SMG7: variants seen among roughly 807,000 people sequenced by gnomAD.
SMG7 encodes the protein nonsense-mediated mRNA decay factor SMG7.
A neutral mutation model predicts 148.2 loss-of-function variants in SMG7; 34 were observed. The observed-to-expected ratio is 0.23, with a 90% CI of 0.17 to 0.31. The LOEUF (loss-of-function observed/expected upper bound fraction) is 0.31. SMG7 is among the 10% of genes least tolerant of loss of function. SMG7 has a pLI of 1.00. For synonymous variants in SMG7, 492 were observed against 515.1 expected (o/e 0.96, Z 0.61); for missense variants, 1,114 against 1,408.4 (o/e 0.79, Z 3.35).
In SMG7 at chr1:183,502,664, T is replaced by A. The variant is rs1436493619; in HGVS notation, c.30-10173T>A. Among the ~76,000 whole-genome samples, 3 of 152,210 alleles carry A rather than the reference T, an allele frequency of 2.0e-5. No individual in the cohort carries two copies. In the South Asian group the frequency reaches 6.2e-4, roughly 32 times the overall value. On this transcript the variant is annotated intron_variant, in intron 1 of 22. Coordinates refer to ENST00000688051, the MANE Select transcript of SMG7 (RefSeq NM_001375584.1). Reference sequence around the variant, plus strand: ...GTAAATTTTTAAAAATTTTGTTTTATATGAGGTCTCTGAATATTTATGATA... The same window carrying A: ...GTAAATTTTTAAAAATTTTGTTTTAAATGAGGTCTCTGAATATTTATGATA...
At position 183,513,926 on chromosome 1, in the gene SMG7, A is replaced by G. The variant is rs150664545; in HGVS notation, c.61+1058A>G. 9.7e-3 allele frequency among the ~76,000 whole-genome samples: 1,441 copies of G among 148,490 alleles called. 15 individuals are homozygous for G. Among genetic ancestry groups the G allele is most frequent in the Non-Finnish European group, 0.017 (1,155 of 67,338 alleles). The stretch of plus-strand genomic sequence containing the variant: ...GCACCTGCAATCCCAGCTACTCTGG[A>G]GGCTGAGGCAGGAGAATCACTTTAA... On this transcript the variant is annotated intron_variant, in intron 2 of 22. Transcript: ENST00000688051.
chr1:183,509,793 T>C (rs1661732263), intron 1 of SMG7, among the ~76,000 whole-genome samples: 1 of 152,168 alleles, frequency 6.6e-6, no homozygotes, highest in Admixed American at 6.5e-5. Context: ...TATATTTCTA[T>C]TAGTGCTTGA....
chr1:183,489,384 T>A (rs1656365861), intron 1 of SMG7, among the ~76,000 whole-genome samples: 1 of 152,096 alleles, frequency 6.6e-6, no homozygotes, highest in Non-Finnish European at 1.5e-5. Context: ...TGAAATTGGT[T>A]ACAGAGTGCT....
intron 16 of SMG7, 111 bp from the exon 17 acceptor site, chr1:183,545,855 A>G (rs1669827937): frequency 1.6e-6 from 2 of 1,284,138 alleles, no homozygotes; most frequent in East Asian, 4.7e-5. Flanking sequence ...TGCCTTGCCT[A>G]GAGTTTTGTT....
chr1:183,540,892 T>G, intron 12 of SMG7, 92 bp from the exon 13 acceptor site: 1 of 1,227,206 alleles, frequency 8.1e-7, no homozygotes, highest in Non-Finnish European at 1.2e-6. Context: ...GGAAGTAATC[T>G]GAAGCCATTA....
At chr1:183,529,756 T>A (rs1183938031) in intron 8 of SMG7, among the ~76,000 whole-genome samples, 4 of 152,310 alleles carry the variant, frequency 2.6e-5, no homozygotes, top group South Asian at 4.1e-4. Flanking sequence ...CTTGAGTAGT[T>A]GCCATTTGAC....
intron 18 of SMG7, among the ~76,000 whole-genome samples, chr1:183,548,496 G>GT (rs145807349): frequency 1.4e-4 from 21 of 150,320 alleles, no homozygotes; most frequent in Admixed American, 6.0e-4. Flanking sequence ...TATTTTCAGG[G>GT]TTTTTTTTTC....
At chr1:183,504,515 A>G (rs1660465678) in intron 1 of SMG7, among the ~76,000 whole-genome samples, 1 of 151,522 alleles carries the variant, frequency 6.6e-6, no homozygotes, top group Non-Finnish European at 1.5e-5. Context: ...TAATTTTTAT[A>G]TTTTTAGTAG....
intron 1 of SMG7, chr1:183,508,297 C>T (rs1204527883): frequency 1.2e-5 from 2 of 166,328 alleles, no homozygotes; most frequent in African/African-American, 2.4e-5. Context: ...TAGGCTCAAG[C>T]AGTCCTCCCA....
intron 3 of SMG7, among the ~76,000 whole-genome samples, chr1:183,516,505 C>T (rs1018260026): frequency 7.9e-5 from 12 of 152,064 alleles, no homozygotes; most frequent in Non-Finnish European, 1.5e-4. Context: ...TAGACTTTTC[C>T]GCTTCTTCTT....
rs59556783 is a variant in SMG7 at position 183,544,048 on chromosome 1, C to T, written c.1843-305C>T. On this transcript the variant is annotated intron_variant, in intron 14 of 22. Transcript: ENST00000688051. ...CTTAAAGTCATAGACAAGTTTTTTT[C>T]AACTTGTTAGCATCAGGCATCTCAT... Among the ~76,000 whole-genome samples the T allele has an allele frequency of 3.3e-3, 503 of 152,208 alleles. 9 individuals are homozygous for T. The East Asian group carries it at 0.033, about 10-fold the overall frequency.
At chr1:183,549,976 G>A in intron 20 of SMG7, 53 bp downstream of exon 20, 1 of 1,214,492 alleles carries the variant, frequency 8.2e-7, no homozygotes. Flanking sequence ...CACTCAGATT[G>A]ATTAAGGGAT....
chr1:183,524,575 T>C (rs1665443661), intron 4 of SMG7, among the ~76,000 whole-genome samples: 1 of 152,236 alleles, frequency 6.6e-6, no homozygotes, highest in Non-Finnish European at 1.5e-5. Flanking sequence ...GGTGGCATGA[T>C]TCAGATCCTT....
Position 183,528,043 on chromosome 1 carries a change from A to G in SMG7, c.556+16A>G, listed in dbSNP as rs913232098. On this transcript the variant is annotated intron_variant, in intron 6 of 22. Transcript: ENST00000688051. ...CCCTCCAATGGTGAGTGGACCTGTCAACCTGAGATTGACCGTGACACTTTG... is the reference window on the plus strand; with the variant it reads ...CCCTCCAATGGTGAGTGGACCTGTCGACCTGAGATTGACCGTGACACTTTG... The G allele has an allele frequency of 2.5e-6, 4 of 1,593,462 alleles. No homozygotes were observed. Among genetic ancestry groups the G allele is most frequent in the Non-Finnish European group, 8.6e-7 (1 of 1,163,078 alleles).
intron 1 of SMG7, among the ~76,000 whole-genome samples, chr1:183,500,785 T>C (rs1283615077): frequency 6.6e-6 from 1 of 152,108 alleles, no homozygotes; most frequent in African/African-American, 2.4e-5. Context: ...ATAAGGATAC[T>C]GAGGGGCAAA....
chr1:183,496,929 A>T (rs1363970591), intron 1 of SMG7, among the ~76,000 whole-genome samples: 1 of 152,204 alleles, frequency 6.6e-6, no homozygotes, highest in Admixed American at 6.5e-5. Context: ...TCTGTGGGCC[A>T]TGGATTGGAC....
Position 183,537,229 on chromosome 1 carries a change from T to C in SMG7, c.1234+14T>C. On this transcript the variant is annotated intron_variant, in intron 11 of 22. Coordinates refer to ENST00000688051, the MANE Select transcript of SMG7 (RefSeq NM_001375584.1). Reference sequence around the variant, plus strand: ...CAAGTATTAGTGGTAAGGGCTACCCTAACCTTGTGTTGTTGATGTGGTTCT... The same window carrying C: ...CAAGTATTAGTGGTAAGGGCTACCCCAACCTTGTGTTGTTGATGTGGTTCT... The C allele has an allele frequency of 6.3e-7, 1 of 1,582,564 alleles. No individual in the cohort carries two copies. Among genetic ancestry groups the C allele is most frequent in the Non-Finnish European group, 8.7e-7 (1 of 1,151,834 alleles).
chr1:183,502,111 TAAAC>T, intron 1 of SMG7: 1 of 531,372 alleles, frequency 1.9e-6, no homozygotes, highest in Non-Finnish European at 3.0e-6. Context: ...TAAGAAACAT[TAAAC>T]AAAAAAAGAA....
intron 1 of SMG7, among the ~76,000 whole-genome samples, chr1:183,480,726 C>G (rs977962157): frequency 6.6e-6 from 1 of 152,196 alleles, no homozygotes; most frequent in Non-Finnish European, 1.5e-5. Flanking sequence ...ACAGGGTGTT[C>G]TGAGCTCTGT....
Sources: gnomAD v4.1 joint callset for allele counts (sites outside exome capture counted in the v4.1 genomes callset) on GRCh38, gnomAD v4.1.1 for gene constraint, MANE v1.5 for transcripts, NCBI Gene and HGNC (gene_info 2026-07-23, HGNC 2026-07-21) for gene names.